Variants in ARHGAP32 observed in about 807,000 individuals in gnomAD.
ARHGAP32 encodes the protein Rho GTPase activating protein 32.
A neutral mutation model predicts 186.5 loss-of-function variants in ARHGAP32; 51 were observed. That is an observed-to-expected ratio of 0.27 (90% CI 0.22 to 0.35). The LOEUF (loss-of-function observed/expected upper bound fraction) is 0.35. Ranked by LOEUF, ARHGAP32 falls within the 10% of genes least tolerant of loss-of-function variation. The probability of loss-of-function intolerance (pLI) is 1.00; values close to 1 mark genes in which losing one functional copy is unlikely to be tolerated. For synonymous variants in ARHGAP32, 950 were observed against 964.3 expected, an observed-to-expected ratio of 0.99 and a Z score of 0.27; for missense variants, 2,186 against 2,623.5, an observed-to-expected ratio of 0.83 and a Z score of 3.64.
At position 128,998,361 on chromosome 11, in the gene ARHGAP32, C is replaced by A; in HGVS notation, c.1153G>T (p.Gly385Cys). ...AGAAGGTGTTCCCCCAGGTCACAAC[C>A]AAACACCCTCTCTTTCAAGATTCCC... Reference protein sequence around the residue: ...QRGILKERVFGCDLGEHLLNS... With the variant: ...QRGILKERVFCCDLGEHLLNS... The change falls in exon 12 of 23, where the codon GGT (glycine) becomes TGT (cysteine). Residue 385 changes from glycine to cysteine, a missense_variant. By Grantham distance (159) the Gly-to-Cys change is radical. Around this residue, in one of 5 missense-constraint regions of ARHGAP32, gnomAD observed 308 missense variants for 596.5 expected, o/e 0.52. Coordinates refer to ENST00000682385, the MANE Select transcript of ARHGAP32 (RefSeq NM_001378024.1). 1 of 1,599,308 alleles carries A rather than the reference C, an allele frequency of 6.3e-7. No homozygotes were observed. The highest frequency in any genetic ancestry group is 1.2e-5 in the South Asian group (1 of 86,898).
In ARHGAP32 at chr11:128,972,470, A is replaced by G. The variant is rs902205523; in HGVS notation, c.4036T>C (p.Leu1346=). 30 of 1,518,412 alleles carry G rather than the reference A, an allele frequency of 2.0e-5. No homozygotes were observed. Among genetic ancestry groups the G allele is most frequent in the Non-Finnish European group, 2.6e-5 (29 of 1,134,284 alleles). 94.1% of individuals were successfully genotyped at this position (1,518,412 alleles called of 1,614,324 possible). ...GQVQAATNIG[L]NNSHKVQGVV... Reference sequence around the variant, plus strand: ...CTTCTTACCTTGTGGGAATTATTTAATCCTATATTGGTTGCTGCTTGTACC... The same window carrying G: ...CTTCTTACCTTGTGGGAATTATTTAGTCCTATATTGGTTGCTGCTTGTACC... Residue 1346 remains leucine, a synonymous_variant, in exon 22 of 23, where the codon TTA becomes CTA. Coordinates refer to ENST00000682385, the MANE Select transcript of ARHGAP32 (RefSeq NM_001378024.1).
In ARHGAP32 at chr11:129,052,530, T is replaced by C. The variant is rs146349704; in HGVS notation, c.963+9750A>G. Among the ~76,000 whole-genome samples the C allele has an allele frequency of 1.4e-3, 220 of 152,242 alleles. 1 individual carries two copies. The highest frequency in any genetic ancestry group is 4.9e-3 in the African/African-American group (203 of 41,560). ...TCTTCCAACCCATAAAAACAGTATA[T>C]CTCTCCATTTATTTGGATCTTCTTT... On this transcript the variant is annotated intron_variant, in intron 10 of 22. Transcript: ENST00000682385.
At chr11:129,075,993 A>G (rs1007350847) in intron 6 of ARHGAP32, among the ~76,000 whole-genome samples, 7 of 152,180 alleles carry the variant, frequency 4.6e-5, no homozygotes, top group African/African-American at 1.7e-4. Flanking sequence ...GCGGTAAAGA[A>G]GCCGGCCAAA....
chr11:129,279,120 C>T (rs1945575407), intron 1 of ARHGAP32: 1 of 146,878 alleles, frequency 6.8e-6, no homozygotes, highest in Admixed American at 6.8e-5. Context: ...ACCGGCGCCC[C>T]CGGCCCTCCC....
At chr11:129,135,465 A>G (rs1942915476) in intron 2 of ARHGAP32, among the ~76,000 whole-genome samples, 1 of 152,210 alleles carries the variant, frequency 6.6e-6, no homozygotes, top group African/African-American at 2.4e-5. Flanking sequence ...TCTGATTTCT[A>G]TATGAATAAA....
chr11:129,075,246 C>G (rs565398466), intron 6 of ARHGAP32, among the ~76,000 whole-genome samples: 25 of 152,040 alleles, frequency 1.6e-4, no homozygotes, highest in African/African-American at 6.0e-4. Context: ...ACCCAACTGT[C>G]TAAAAGAAAT....
intron 11 of ARHGAP32, among the ~76,000 whole-genome samples, chr11:129,007,491 C>T (rs1937848243): frequency 6.6e-6 from 1 of 152,018 alleles, no homozygotes; most frequent in Admixed American, 6.6e-5. Context: ...CTTCTGGCCC[C>T]AGGTGTATCT....
chr11:129,064,131 A>C, intron 8 of ARHGAP32, 107 bp from the exon 9 acceptor site: 2 of 946,260 alleles, frequency 2.1e-6, no homozygotes, highest in Non-Finnish European at 1.4e-6. Context: ...AATAACCCAA[A>C]GAGTCTTAAA....
chr11:129,092,279 C>T (rs1941600825), intron 6 of ARHGAP32, among the ~76,000 whole-genome samples: 1 of 151,526 alleles, frequency 6.6e-6, no homozygotes, highest in African/African-American at 2.4e-5. Context: ...AGAAAAAGAA[C>T]ATTTGCATTC....
In ARHGAP32 at chr11:128,970,000, T is replaced by C. The variant is rs1205707608; in HGVS notation, c.5213A>G (p.His1738Arg). 1 of 1,614,160 alleles carries C rather than the reference T, an allele frequency of 6.2e-7. No homozygotes were observed. Among genetic ancestry groups the C allele is most frequent in the Non-Finnish European group, 8.5e-7 (1 of 1,180,032 alleles). Residue 1738 changes from histidine (H) to arginine (R), a missense_variant, in exon 23 of 23, where the codon CAT becomes CGT. Transcript: ENST00000682385. This position sits in a 1 kb window ranked among gnomAD's most constrained non-coding sequence, Gnocchi z 4.8. ...NVTGYFSPND[H>R]NVVSMPPAAD... ...AGCCGGAGGCATGCTGACTACATTA[T>C]GGTCGTTGGGAGAGAAATAGCCAGT... is the stretch of plus-strand genomic sequence containing the variant.
rs555639228 is a variant in ARHGAP32 at position 129,002,375 on chromosome 11, T to G, written c.1046-3907A>C. 3.9e-3 allele frequency among the ~76,000 whole-genome samples: 600 copies of G among 152,354 alleles called. 2 individuals are homozygous for G. The highest frequency in any genetic ancestry group is 0.014 in the African/African-American group (574 of 41,590). On this transcript the variant is annotated intron_variant, in intron 11 of 22. Coordinates refer to ENST00000682385, the MANE Select transcript of ARHGAP32 (RefSeq NM_001378024.1). ...GCTACTATAAATGGGATTGCTTTCT[T>G]GATTTCTTTTTCAGATTGTTCACTG...
At chr11:129,246,601 G>A (rs1945100525) in intron 1 of ARHGAP32, among the ~76,000 whole-genome samples, 1 of 152,070 alleles carries the variant, frequency 6.6e-6, no homozygotes, top group Non-Finnish European at 1.5e-5. Context: ...AAGAACCAGG[G>A]CAATACTTAA....
intron 10 of ARHGAP32, among the ~76,000 whole-genome samples, chr11:129,045,775 T>C (rs1439799107): frequency 1.3e-5 from 2 of 152,100 alleles, no homozygotes; most frequent in African/African-American, 4.8e-5. Flanking sequence ...AGAGCAGAAT[T>C]GGGTATATTG....
intron 6 of ARHGAP32, among the ~76,000 whole-genome samples, chr11:129,090,611 A>C (rs906991810): frequency 2.6e-5 from 4 of 152,312 alleles, no homozygotes; most frequent in East Asian, 3.9e-4. Context: ...GAAAAGATCA[A>C]AACAAGACTT....
intron 10 of ARHGAP32, among the ~76,000 whole-genome samples, chr11:129,054,751 G>C (rs1204375863): frequency 6.6e-6 from 1 of 152,046 alleles, no homozygotes; most frequent in Non-Finnish European, 1.5e-5. Context: ...AAATACCTCA[G>C]ACAACAAAGA....
At chr11:129,155,700 CA>C (rs61612151) in intron 2 of ARHGAP32, among the ~76,000 whole-genome samples, 39 of 143,254 alleles carry the variant, frequency 2.7e-4, no homozygotes, top group Middle Eastern at 3.6e-3. Flanking sequence ...AGAAATGTGT[CA>C]AAAAAAAAAA....
At chr11:129,138,295 G>GT (rs1942977037) in intron 2 of ARHGAP32, among the ~76,000 whole-genome samples, 1 of 66,430 alleles carries the variant, frequency 1.5e-5, no homozygotes, top group South Asian at 6.8e-4. Context: ...ACCCTTACTG[G>GT]TAAAAAAAAA....
At chr11:129,212,605 T>C (rs780236272) in intron 1 of ARHGAP32, among the ~76,000 whole-genome samples, 5 of 152,190 alleles carry the variant, frequency 3.3e-5, no homozygotes, top group Non-Finnish European at 4.4e-5. Context: ...TAAATACTTA[T>C]ATGAATCTAC....
At chr11:129,210,392 T>C (rs1036449391) in intron 1 of ARHGAP32, among the ~76,000 whole-genome samples, 3 of 152,208 alleles carry the variant, frequency 2.0e-5, no homozygotes, top group Non-Finnish European at 4.4e-5. Context: ...CAGAAGAACC[T>C]AGTGATGTGA....
Sources: allele counts gnomAD v4.1 joint callset (sites outside exome capture counted in the v4.1 genomes callset), GRCh38; gene constraint gnomAD v4.1.1; regional missense constraint gnomAD v4.1.1; non-coding constraint Gnocchi (gnomAD v3.1); transcripts MANE v1.5; gene names NCBI Gene and HGNC (gene_info 2026-07-23, HGNC 2026-07-21).